Variants in PHGR1 observed in about 807,000 individuals in gnomAD.
PHGR1 encodes proline, histidine and glycine-rich protein 1.
PHGR1 carries 3 observed loss-of-function variants against 4.9 expected under a neutral mutation model. The ratio of observed to expected loss-of-function variants is 0.61; its 90% CI spans 0.28 to 1.58. PHGR1 has a LOEUF of 1.58. PHGR1 is among the 40% of genes most tolerant of loss of function. The pLI, the probability that PHGR1 is intolerant of heterozygous loss-of-function variation, is 0.11. For synonymous variants in PHGR1, 32 were observed against 46.1 expected, an observed-to-expected ratio of 0.69 and a Z score of 1.24; for missense variants, 81 against 118.7, an observed-to-expected ratio of 0.68 and a Z score of 1.48.
rs751546285 is a variant in PHGR1 at position 40,354,361 on chromosome 15, G to A, written c.18+9G>A. On this transcript the variant is annotated intron_variant, in intron 3 of 3. Coordinates refer to ENST00000448599, the MANE Select transcript of PHGR1 (RefSeq NM_001145643.2). ...CTCCCACAGGTCCGAAGGTAGGAAA[G>A]TTCCCCCAATGGTCTCCCCTTTTTC... is the stretch of plus-strand genomic sequence containing the variant. 4 of 1,535,846 alleles carry A rather than the reference G, an allele frequency of 2.6e-6. No individual in the cohort carries two copies. The South Asian group carries it at 3.6e-5, about 14-fold the overall frequency.
chr15:40,355,483 TAC>T (rs1701950702), intron 3 of PHGR1, among the ~76,000 whole-genome samples: 1 of 152,156 alleles, frequency 6.6e-6, no homozygotes, highest in African/African-American at 2.4e-5. Flanking sequence ...ACACACCGTC[TAC>T]ACACATACAC....
intron 1 of PHGR1, among the ~76,000 whole-genome samples, chr15:40,351,435 C>T (rs1235506082): frequency 6.6e-6 from 1 of 152,118 alleles, no homozygotes; most frequent in Admixed American, 6.6e-5. Context: ...TCGTCTTACC[C>T]GATCCTGACT....
At chr15:40,354,289 T>A in intron 2 of PHGR1, 56 bp from the exon 3 acceptor site, 1 of 1,527,022 alleles carries the variant, frequency 6.5e-7, no homozygotes, top group Non-Finnish European at 8.8e-7. Context: ...GGTTTTTTTT[T>A]ACTGCAGAAC....
intron 1 of PHGR1, among the ~76,000 whole-genome samples, chr15:40,352,302 T>C (rs1024044875): frequency 1.3e-5 from 2 of 152,212 alleles, no homozygotes; most frequent in South Asian, 4.1e-4. Flanking sequence ...GGGCGCTGTT[T>C]GTTTTTGTAT....
Position 40,356,177 on chromosome 15 carries a change from G to A in PHGR1, c.123G>A (p.Gly41=). The change falls in exon 4 of 4, where the codon GGG becomes GGA. Residue 41 remains glycine, a synonymous_variant. Coordinates refer to ENST00000448599, the MANE Select transcript of PHGR1 (RefSeq NM_001145643.2). The part of the protein sequence containing the change: ...PCGPPPHHGP[G]PCGPPPGHGP... ...GGCCACCCCCCCACCATGGTCCAGGGCCCTGCGGGCCACCCCCTGGCCATG... is the reference window on the plus strand; with the variant it reads ...GGCCACCCCCCCACCATGGTCCAGGACCCTGCGGGCCACCCCCTGGCCATG... 1 of 1,470,960 alleles carries A rather than the reference G, an allele frequency of 6.8e-7. No individual in the cohort carries two copies. Among genetic ancestry groups the A allele is most frequent in the South Asian group, 1.3e-5 (1 of 76,574 alleles). The allele number at this position is 1,470,960 out of a possible 1,614,324, so 91.1% of individuals were successfully genotyped here. A position where few individuals can be genotyped will look rare whatever the true frequency, so the allele number is the denominator to read the frequency against.
At chr15:40,355,914 G>A in intron 3 of PHGR1, 159 bp from the exon 4 acceptor site, 1 of 769,438 alleles carries the variant, frequency 1.3e-6, no homozygotes, top group Admixed American at 2.1e-5. Context: ...CAAGGCAAAA[G>A]GCACGGGACA....
chr15:40,353,947 G>A (rs1014796304), intron 2 of PHGR1, among the ~76,000 whole-genome samples: 5 of 152,196 alleles, frequency 3.3e-5, no homozygotes, highest in Admixed American at 1.3e-4. Context: ...CGTGACAGGG[G>A]CAGAGGACAG....
rs1279672259 is a variant in PHGR1 at position 40,353,144 on chromosome 15, T to TGC, written c.-26-87_-26-86insCG. 444 of 899,598 alleles carry TGC rather than the reference T, an allele frequency of 4.9e-4. 1 individual carries two copies. The highest frequency in any genetic ancestry group is 1.3e-3 in the Admixed American group (54 of 41,870). 55.7% of individuals were successfully genotyped at this position (899,598 alleles called of 1,614,324 possible). On this transcript the variant is annotated intron_variant, in intron 1 of 3. Coordinates refer to ENST00000448599, the MANE Select transcript of PHGR1 (RefSeq NM_001145643.2). ...GTGTGTGTGTGTGTGTGTGTGTGTG[T>TGC]GTGCGCGCGCGCGCGCATCCGTGGG...
intron 2 of PHGR1, chr15:40,353,747 C>T (rs1404787935): frequency 5.5e-6 from 1 of 182,344 alleles, no homozygotes; most frequent in African/African-American, 2.4e-5. Flanking sequence ...CCCAGTGGAC[C>T]CACAGCTGGG....
In PHGR1 at chr15:40,356,408, C is replaced by T. The variant is rs1002599856; in HGVS notation, c.*105C>T. 6.6e-7 allele frequency: 1 copy of T among 1,511,786 alleles called. No homozygotes were observed. 93.6% of individuals were successfully genotyped at this position (1,511,786 alleles called of 1,614,324 possible). Reference sequence around the variant, plus strand: ...ATCTTCTCTTCCTAATAAACAGCCTCCTAGAGGCCACATTCTATTCTTTAA... The same window carrying T: ...ATCTTCTCTTCCTAATAAACAGCCTTCTAGAGGCCACATTCTATTCTTTAA... On this transcript the variant is annotated 3_prime_UTR_variant, in exon 4 of 4. Transcript: ENST00000448599.
intron 1 of PHGR1, 61 bp from the exon 2 acceptor site, chr15:40,353,171 G>C (rs1302987515): frequency 6.7e-7 from 1 of 1,491,064 alleles, no homozygotes; most frequent in Non-Finnish European, 9.1e-7. Context: ...ATCCGTGGGA[G>C]GGAGAAAGGA....
intron 2 of PHGR1, 82 bp from the exon 3 acceptor site, chr15:40,354,263 T>C (rs766681856): frequency 4.7e-6 from 7 of 1,474,624 alleles, no homozygotes; most frequent in Non-Finnish European, 6.4e-6. Flanking sequence ...AAATCCTTAG[T>C]GCCAGGGAGA....
intron 1 of PHGR1, among the ~76,000 whole-genome samples, chr15:40,351,268 T>C (rs1889203942): frequency 6.6e-6 from 1 of 152,212 alleles, no homozygotes; most frequent in Non-Finnish European, 1.5e-5. Flanking sequence ...CACTGTCTTC[T>C]TCAGTTATGA....
chr15:40,356,078 C>G lies in PHGR1; in HGVS notation c.24C>G (p.His8Gln). 6.5e-7 allele frequency: 1 copy of G among 1,549,852 alleles called. No homozygotes were observed. The highest frequency in any genetic ancestry group is 8.7e-7 in the Non-Finnish European group (1 of 1,146,716). ...GTTCATTTGACTTTCCACAGGGGCA[C>G]TGCCACTGTGGGGGGCATGGCCATC... MDPGPKG[H>Q]CHCGGHGHPP... Residue 8 changes from histidine to glutamine, a missense_variant, in exon 4 of 4, where the codon CAC (histidine) becomes CAG (glutamine). Physicochemically the swap from His to Gln is conservative, Grantham distance 24. Coordinates refer to ENST00000448599, the MANE Select transcript of PHGR1 (RefSeq NM_001145643.2).
At chr15:40,354,454 C>T in intron 3 of PHGR1, 102 bp downstream of exon 3, 1 of 1,371,358 alleles carries the variant, frequency 7.3e-7, no homozygotes, top group Non-Finnish European at 9.9e-7. Flanking sequence ...CCACCACTTC[C>T]CCCAAATGAA....
At chr15:40,353,528 AGGCCCAGGGG>A (rs952605037) in intron 2 of PHGR1, 9 of 488,232 alleles carry the variant, frequency 1.8e-5, no homozygotes, top group African/African-American at 1.8e-4. Flanking sequence ...CGCACACTCA[AGGCCCAGGGG>A]AGCTAGGGGT....
chr15:40,355,682 C>T (rs184305592), intron 3 of PHGR1, among the ~76,000 whole-genome samples: 4 of 152,250 alleles, frequency 2.6e-5, no homozygotes, highest in Non-Finnish European at 5.9e-5. Flanking sequence ...CTCACCCTTG[C>T]TCCTAAGTAC....
At chr15:40,351,286 C>G (rs895334708) in intron 1 of PHGR1, among the ~76,000 whole-genome samples, 1 of 152,308 alleles carries the variant, frequency 6.6e-6, no homozygotes, top group South Asian at 2.1e-4. Context: ...TGATTTATAG[C>G]CTTTGCCATG....
Position 40,356,330 on chromosome 15 carries a change from A to G in PHGR1, c.*27A>G. The G allele has an allele frequency of 6.5e-7, 1 of 1,549,812 alleles. No individual in the cohort carries two copies. The highest frequency in any genetic ancestry group is 2.4e-5 in the East Asian group (1 of 40,898). On this transcript the variant is annotated 3_prime_UTR_variant, in exon 4 of 4. Coordinates refer to ENST00000448599, the MANE Select transcript of PHGR1 (RefSeq NM_001145643.2). Reference sequence around the variant, plus strand: ...GAAGTAGAAGAAAACAGGACACAAGATGGCAAGCCTGAGAGAATTGCCCAG... The same window carrying G: ...GAAGTAGAAGAAAACAGGACACAAGGTGGCAAGCCTGAGAGAATTGCCCAG...
Sources: gnomAD v4.1 joint callset for allele counts (sites outside exome capture counted in the v4.1 genomes callset) on GRCh38, gnomAD v4.1.1 for gene constraint, MANE v1.5 for transcripts, NCBI Gene and HGNC (gene_info 2026-07-23, HGNC 2026-07-21) for gene names.